The following ARHGAP23 variants were observed in gnomAD, a reference collection of about 807,000 sequenced individuals.
ARHGAP23 encodes the protein rho GTPase-activating protein 23.
A neutral mutation model predicts 136.3 loss-of-function variants in ARHGAP23; 34 were observed. That is an observed-to-expected ratio of 0.25 (90% CI 0.19 to 0.33). The LOEUF is 0.33. Among genes scored for constraint, ARHGAP23 ranks in the 10% least tolerant of loss-of-function variants. The pLI, the probability that ARHGAP23 is intolerant of heterozygous loss-of-function variation, is 1.00. For synonymous variants in ARHGAP23, 832 were observed against 920.5 expected (o/e 0.90, Z 1.74); for missense variants, 1,808 against 2,139.0 (o/e 0.85, Z 3.05).
chr17:38,465,790 T>C (rs1386937570), intron 6 of ARHGAP23, among the ~76,000 whole-genome samples: 2 of 150,080 alleles, frequency 1.3e-5, no homozygotes, highest in Admixed American at 6.6e-5. Flanking sequence ...TCGGTGGGGT[T>C]TTCCGGCTCC....
chr17:38,469,181 G>A lies in ARHGAP23; in HGVS notation c.1686G>A (p.Lys562=), dbSNP rs181204612. The A allele has an allele frequency of 6.1e-4, 946 of 1,551,476 alleles. 4 individuals carry two copies. Among genetic ancestry groups the A allele is most frequent in the Middle Eastern group, 2.3e-3 (14 of 5,974 alleles). The change falls in exon 8 of 24, where the codon AAG becomes AAA. Residue 562 remains lysine (K), a synonymous_variant. Transcript: ENST00000622683. ...PTSPSIDLQA[K]HVPASAVVSS... is the part of the protein sequence containing the mutation. ...GCCCCAGCATTGACCTCCAAGCCAA[G>A]CACGTCCCTGCCTCTGCTGTGGTCT...
intron 1 of ARHGAP23, 55 bp from the exon 2 acceptor site, chr17:38,458,047 C>G (rs2039369535): frequency 6.5e-6 from 10 of 1,529,916 alleles, no homozygotes; most frequent in African/African-American, 1.4e-5. Context: ...GTGGTGCAAA[C>G]AGCCAGAAGT....
chr17:38,489,847 A>T, intron 17 of ARHGAP23: 1 of 479,584 alleles, frequency 2.1e-6, no homozygotes. Flanking sequence ...CATGCAGCTC[A>T]GATGGTATTG....
intron 22 of ARHGAP23, chr17:38,499,045 A>G: frequency 2.9e-6 from 2 of 694,736 alleles, no homozygotes; most frequent in South Asian, 1.5e-5. Context: ...AATGTCCCGG[A>G]CTGTGAGGAC....
At chr17:38,483,842 C>T (rs183690298) in intron 16 of ARHGAP23, among the ~76,000 whole-genome samples, 4 of 152,122 alleles carry the variant, frequency 2.6e-5, no homozygotes, top group Admixed American at 2.0e-4. Context: ...GGAAGCCTTT[C>T]GGGGTGTGAG....
intron 23 of ARHGAP23, among the ~76,000 whole-genome samples, chr17:38,507,897 T>C: frequency 6.6e-6 from 1 of 152,200 alleles, no homozygotes. Flanking sequence ...CTCCATTCAT[T>C]ATTACACCAT....
intron 1 of ARHGAP23, among the ~76,000 whole-genome samples, chr17:38,433,189 G>A (rs1405440050): frequency 6.6e-6 from 1 of 152,000 alleles, no homozygotes; most frequent in African/African-American, 2.4e-5. Context: ...CAAAATTCCT[G>A]GACTCAAGTG....
At chr17:38,435,730 T>C (rs1425989041) in intron 1 of ARHGAP23, among the ~76,000 whole-genome samples, 1 of 152,132 alleles carries the variant, frequency 6.6e-6, no homozygotes, top group East Asian at 1.9e-4. Flanking sequence ...TCCCGAGTAG[T>C]TGGGATTACA....
Position 38,477,683 on chromosome 17 carries a change from G to A in ARHGAP23, c.2223G>A (p.Ala741=), listed in dbSNP as rs1244126772. The A allele has an allele frequency of 1.2e-5, 16 of 1,334,252 alleles. No individual in the cohort carries two copies. Among genetic ancestry groups the A allele is most frequent in the Middle Eastern group, 2.5e-4 (1 of 4,058 alleles). 82.7% of individuals were successfully genotyped at this position (1,334,252 alleles called of 1,614,324 possible). A position where few individuals can be genotyped will look rare whatever the true frequency, so the allele number is the denominator to read the frequency against. ...KERREPGPAA[A]GAAAAGAGED... is the part of the protein sequence containing the mutation. The stretch of plus-strand genomic sequence containing the variant: ...GGCGGGAGCCCGGGCCGGCGGCGGC[G>A]GGGGCTGCGGCGGCCGGCGCAGGTG... The change falls in exon 12 of 24, where the codon GCG becomes GCA. Residue 741 remains alanine, a synonymous_variant. Coordinates refer to ENST00000622683, the MANE Select transcript of ARHGAP23 (RefSeq NM_001199417.2). The surrounding 1 kb of genome is among the most constrained non-coding windows in gnomAD (Gnocchi z 6.6).
At chr17:38,500,145 C>T (rs1463497696) in intron 22 of ARHGAP23, among the ~76,000 whole-genome samples, 10 of 152,296 alleles carry the variant, frequency 6.6e-5, no homozygotes, top group African/African-American at 1.4e-4. Context: ...GTAGGGCACC[C>T]ACCTCTCTGT....
In ARHGAP23 at chr17:38,430,633, G is replaced by C. The variant is rs553704828; in HGVS notation, c.63+2085G>C. Among the ~76,000 whole-genome samples the C allele has an allele frequency of 2.6e-5, 4 of 152,274 alleles. No individual in the cohort carries two copies. In the East Asian group the frequency reaches 7.7e-4, roughly 29 times the overall value. On this transcript the variant is annotated intron_variant, in intron 1 of 23. Coordinates refer to ENST00000622683, the MANE Select transcript of ARHGAP23 (RefSeq NM_001199417.2). ...GCATGGAAGAAGTTACAGTGTGAGGGACTGCAGTTAGATACTCAGGAGAAC... is the reference window on the plus strand; with the variant it reads ...GCATGGAAGAAGTTACAGTGTGAGGCACTGCAGTTAGATACTCAGGAGAAC...
At chr17:38,440,934 G>A (rs947338979) in intron 1 of ARHGAP23, among the ~76,000 whole-genome samples, 168 of 152,326 alleles carry the variant, frequency 1.1e-3, no homozygotes, top group Non-Finnish European at 1.9e-4. Context: ...GCCTTACCAC[G>A]ACCTTTAGAG....
At chr17:38,444,708 G>A (rs1020159542) in intron 1 of ARHGAP23, among the ~76,000 whole-genome samples, 2 of 152,094 alleles carry the variant, frequency 1.3e-5, no homozygotes, top group Non-Finnish European at 2.9e-5. Flanking sequence ...GAGAAGGGAC[G>A]GCAGGGAAAG....
chr17:38,456,334 T>C (rs1315599116), intron 1 of ARHGAP23, among the ~76,000 whole-genome samples: 1 of 152,158 alleles, frequency 6.6e-6, no homozygotes, highest in Non-Finnish European at 1.5e-5. Flanking sequence ...GGATGGTCCA[T>C]GAATGAACTT....
chr17:38,430,479 G>A (rs1000974413), intron 1 of ARHGAP23, among the ~76,000 whole-genome samples: 2 of 152,206 alleles, frequency 1.3e-5, no homozygotes, highest in Non-Finnish European at 2.9e-5. Context: ...GGGAGTGGGG[G>A]TGAGGGAGGG....
In ARHGAP23 at chr17:38,490,494, G is replaced by C; in HGVS notation, c.3093G>C (p.Thr1031=). 1.3e-6 allele frequency: 2 copies of C among 1,549,392 alleles called. No individual in the cohort carries two copies. Among genetic ancestry groups the C allele is most frequent in the Non-Finnish European group, 1.7e-6 (2 of 1,146,716 alleles). ...IRDLPGHYYE[T]LKFLVGHLKT... is the part of the protein sequence containing the mutation. ...ATCTCCCAGGACACTACTATGAAAC[G>C]CTCAAATTCCTTGTGGGCCATCTCA... is the stretch of plus-strand genomic sequence containing the variant. The change falls in exon 19 of 24, where the codon ACG becomes ACC. Residue 1031 remains threonine, a synonymous_variant. Transcript: ENST00000622683.
intron 6 of ARHGAP23, 118 bp from the exon 7 acceptor site, chr17:38,466,049 A>G: frequency 2.4e-6 from 1 of 415,646 alleles, no homozygotes. Flanking sequence ...CGTTCCCCCC[A>G]CCGCTTGGTC....
intron 20 of ARHGAP23, chr17:38,491,831 G>A (rs1029815168): frequency 9.7e-6 from 4 of 414,206 alleles, no homozygotes; most frequent in Non-Finnish European, 1.8e-5. Context: ...GGGCAGGGAA[G>A]GTGCTACTGG....
intron 23 of ARHGAP23, among the ~76,000 whole-genome samples, chr17:38,505,420 C>T (rs2040612732): frequency 1.3e-5 from 2 of 152,066 alleles, no homozygotes; most frequent in Admixed American, 6.6e-5. Flanking sequence ...TCCCCGAGCA[C>T]CCCCACTGGT....
Sources: allele counts gnomAD v4.1 joint callset (sites outside exome capture counted in the v4.1 genomes callset), GRCh38; gene constraint gnomAD v4.1.1; non-coding constraint Gnocchi (gnomAD v3.1); transcripts MANE v1.5; gene names NCBI Gene and HGNC (gene_info 2026-07-23, HGNC 2026-07-21).